The following HDAC3 variants were observed in gnomAD, a reference collection of about 807,000 sequenced individuals.
HDAC3 encodes SMAP45.
A neutral mutation model predicts 62.3 loss-of-function variants in HDAC3; 21 were observed. The ratio of observed to expected loss-of-function variants is 0.34; its 90% CI spans 0.24 to 0.49. The LOEUF (loss-of-function observed/expected upper bound fraction) is 0.49. Ranked by LOEUF, HDAC3 falls within the 20% of genes least tolerant of loss-of-function variation. HDAC3 has a pLI of 0.99. For synonymous variants in HDAC3, 198 were observed against 206.5 expected, an observed-to-expected ratio of 0.96 and a Z score of 0.35; for missense variants, 270 against 556.9, an observed-to-expected ratio of 0.48 and a Z score of 5.19.
At position 141,636,804 on chromosome 5, in the gene HDAC3, G is replaced by A; in HGVS notation, c.-14C>T. The A allele has an allele frequency of 1.9e-6, 3 of 1,587,550 alleles. No individual in the cohort carries two copies. Among genetic ancestry groups the A allele is most frequent in the South Asian group, 1.1e-5 (1 of 87,766 alleles). On this transcript the variant is annotated 5_prime_UTR_variant, in exon 1 of 15. Coordinates refer to ENST00000305264, the MANE Select transcript of HDAC3 (RefSeq NM_003883.4). ...GGTCTTGGCCATGGTGCCGGCGGGA[G>A]CAGGCCCCGCACCTCCGCCGCCCGC...
intron 3 of HDAC3, among the ~76,000 whole-genome samples, chr5:141,632,863 T>C (rs1400168491): frequency 6.6e-6 from 1 of 152,186 alleles, no homozygotes; most frequent in Non-Finnish European, 1.5e-5. Context: ...AAGGTGCCAA[T>C]GCCAGCCTAA....
Position 141,630,115 on chromosome 5 carries a change from G to A in HDAC3, c.292C>T (p.Pro98Ser), listed in dbSNP as rs745497770. Reference sequence around the variant, plus strand: ...CGCGAGCAGAACTCAAAGAGCCCGGGAAACACTGGGCTGCAGGGAAGAGGA... The same window carrying A: ...CGCGAGCAGAACTCAAAGAGCCCGGAAAACACTGGGCTGCAGGGAAGAGGA... ...FNVGDDCPVF[P>S]GLFEFCSRYT... is the part of the protein sequence containing the mutation. Residue 98 changes from proline to serine, a missense_variant, in exon 4 of 15, where the codon CCC (proline) becomes TCC (serine). This residue lies in a region of HDAC3 where 156 missense variants were observed against 383.9 expected (regional missense o/e 0.41). Coordinates refer to ENST00000305264, the MANE Select transcript of HDAC3 (RefSeq NM_003883.4). The A allele has an allele frequency of 5.0e-6, 8 of 1,613,876 alleles. No homozygotes were observed. The highest frequency in any genetic ancestry group is 5.1e-6 in the Non-Finnish European group (6 of 1,180,026).
At chr5:141,635,996 A>G (rs540395172) in intron 2 of HDAC3, 3 of 153,118 alleles carry the variant, frequency 2.0e-5, no homozygotes, top group East Asian at 3.8e-4. Flanking sequence ...AAAACTGGAT[A>G]GCGATTAAGC....
chr5:141,628,278 C>A lies in HDAC3; in HGVS notation c.692-91G>T. On this transcript the variant is annotated intron_variant, in intron 8 of 14. Coordinates refer to ENST00000305264, the MANE Select transcript of HDAC3 (RefSeq NM_003883.4). This position sits in a 1 kb window ranked among gnomAD's most constrained non-coding sequence, Gnocchi z 4.7. Reference sequence around the variant, plus strand: ...AAAAGGGGGTTGAGCGAGCATGTAGCCCAGGAAAGGGGCCACCCAAAAGAA... The same window carrying A: ...AAAAGGGGGTTGAGCGAGCATGTAGACCAGGAAAGGGGCCACCCAAAAGAA... 1 of 1,121,554 alleles carries A rather than the reference C, an allele frequency of 8.9e-7. No individual in the cohort carries two copies. The highest frequency in any genetic ancestry group is 1.9e-5 in the Admixed American group (1 of 53,368). The allele number at this position is 1,121,554 out of a possible 1,614,324, so 69.5% of individuals were successfully genotyped here.
rs1424342761 is a variant in HDAC3 at position 141,636,618 on chromosome 5, G to A, written c.68C>T (p.Pro23Leu). ...CAATGCCAGGCGATGGGGCTTCATA[G>A]GGTGTCCAGCTCCTGGGGGTGGGGA... ...VGNFHYGAGH[P>L]MKPHRLALTH... The change falls in exon 2 of 15, where the codon CCT becomes CTT. Residue 23 changes from proline to leucine, a missense_variant. By Grantham distance (98) the Pro-to-Leu change is moderately conservative. Transcript: ENST00000305264. 6.2e-7 allele frequency: 1 copy of A among 1,613,900 alleles called. No homozygotes were observed. Among genetic ancestry groups the A allele is most frequent in the Non-Finnish European group, 8.5e-7 (1 of 1,179,974 alleles).
At chr5:141,623,217 G>A (rs1353635515) in intron 14 of HDAC3, among the ~76,000 whole-genome samples, 1 of 152,128 alleles carries the variant, frequency 6.6e-6, no homozygotes, top group East Asian at 1.9e-4. Context: ...GTTGTCTGAT[G>A]GCAACAGAAT....
At position 141,625,254 on chromosome 5, in the gene HDAC3, C is replaced by T; in HGVS notation, c.1171G>A (p.Asp391Asn). The T allele has an allele frequency of 6.2e-7, 1 of 1,614,138 alleles. No homozygotes were observed. Among genetic ancestry groups the T allele is most frequent in the Non-Finnish European group, 8.5e-7 (1 of 1,180,032 alleles). ...CCCCTCTCCTCTGCATCAGCCTCAT[C>T]AGTCCTGTCATAGGTCAGGAGGTCT... is the stretch of plus-strand genomic sequence containing the variant. Reference protein sequence around the residue: ...PADLLTYDRTDEADAEERGPE... With the variant: ...PADLLTYDRTNEADAEERGPE... The change falls in exon 14 of 15, where the codon GAT (aspartate) becomes AAT (asparagine). Residue 391 changes from aspartate to asparagine, a missense_variant. By Grantham distance (23) the Asp-to-Asn change is conservative. Transcript: ENST00000305264. This position sits in a 1 kb window ranked among gnomAD's most constrained non-coding sequence, Gnocchi z 4.0.
Position 141,629,524 on chromosome 5 carries a change from G to C in HDAC3, c.476+160C>G. 1 of 896,038 alleles carries C rather than the reference G, an allele frequency of 1.1e-6. No individual in the cohort carries two copies. Among genetic ancestry groups the C allele is most frequent in the South Asian group, 1.5e-5 (1 of 65,598 alleles). The allele number at this position is 896,038 out of a possible 1,614,324, so 55.5% of individuals were successfully genotyped here. A position where few individuals can be genotyped will look rare whatever the true frequency, so the allele number is the denominator to read the frequency against. ...GAGAAGGCTGAAATGTGAGCAGGCA[G>C]TAGGGAATCTGCAGCAGTGGAAGAG... On this transcript the variant is annotated intron_variant, in intron 6 of 14. Coordinates refer to ENST00000305264, the MANE Select transcript of HDAC3 (RefSeq NM_003883.4). This position sits in a 1 kb window ranked among gnomAD's most constrained non-coding sequence, Gnocchi z 5.3.
intron 3 of HDAC3, among the ~76,000 whole-genome samples, chr5:141,634,344 GAGTCATACTC>G (rs1389886214): frequency 6.6e-6 from 1 of 151,908 alleles, no homozygotes; most frequent in Non-Finnish European, 1.5e-5. Flanking sequence ...TTCCTCAAAT[GAGTCATACTC>G]AGTCCTACCA....
At chr5:141,621,929 A>C (rs2154597682) in intron 14 of HDAC3, among the ~76,000 whole-genome samples, 1 of 152,364 alleles carries the variant, frequency 6.6e-6, no homozygotes, top group Non-Finnish European at 1.5e-5. Flanking sequence ...CTATTGGGAC[A>C]TAAGACCTAA....
Position 141,629,519 on chromosome 5 carries a change from A to C in HDAC3, c.476+165T>G, listed in dbSNP as rs1025473729. ...ATGCAGAGAAGGCTGAAATGTGAGC[A>C]GGCAGTAGGGAATCTGCAGCAGTGG... On this transcript the variant is annotated intron_variant, in intron 6 of 14. Coordinates refer to ENST00000305264, the MANE Select transcript of HDAC3 (RefSeq NM_003883.4). This position sits in a 1 kb window ranked among gnomAD's most constrained non-coding sequence, Gnocchi z 5.3. 2.3e-6 allele frequency: 2 copies of C among 888,544 alleles called. No individual in the cohort carries two copies. The highest frequency in any genetic ancestry group is 3.5e-6 in the Non-Finnish European group (2 of 565,626). 55.0% of individuals were successfully genotyped at this position (888,544 alleles called of 1,614,324 possible).
Position 141,625,288 on chromosome 5 carries a change from G to A in HDAC3, c.1137C>T (p.Asp379=), listed in dbSNP as rs747001778. ...CATAGGTCAGGAGGTCTGCAGGCAC[G>A]TCATGAATCTGGACACTAGGTGCAT... ...LNHAPSVQIH[D]VPADLLTYDR... The change falls in exon 14 of 15, where the codon GAC becomes GAT. Residue 379 remains aspartate (D), a synonymous_variant. Coordinates refer to ENST00000305264, the MANE Select transcript of HDAC3 (RefSeq NM_003883.4). This position sits in a 1 kb window ranked among gnomAD's most constrained non-coding sequence, Gnocchi z 4.0. The A allele has an allele frequency of 1.1e-5, 18 of 1,613,944 alleles. No homozygotes were observed. The African/African-American group carries it at 1.7e-4, about 16-fold the overall frequency.
At chr5:141,627,051 C>A (rs1014225419) in intron 10 of HDAC3, among the ~76,000 whole-genome samples, 28 of 152,126 alleles carry the variant, frequency 1.8e-4, no homozygotes, top group African/African-American at 6.8e-4. Context: ...ATAATTCAAA[C>A]TCCTTACCAG....
chr5:141,631,132 A>C (rs750108663), intron 3 of HDAC3, among the ~76,000 whole-genome samples: 1 of 152,202 alleles, frequency 6.6e-6, no homozygotes, highest in Non-Finnish European at 1.5e-5. Flanking sequence ...TCTCAAAAAA[A>C]AAAAATAGTG....
In HDAC3 at chr5:141,629,108, A is replaced by G; in HGVS notation, c.610+65T>C. ...CACCTGAGATGAGACTAGAAGGCTG[A>G]GAAGGAGGCACTCATAGTAAAGAGC... On this transcript the variant is annotated intron_variant, in intron 7 of 14. Transcript: ENST00000305264. The surrounding 1 kb of genome is among the most constrained non-coding windows in gnomAD (Gnocchi z 5.3). 6.4e-7 allele frequency: 1 copy of G among 1,553,212 alleles called. No individual in the cohort carries two copies. The highest frequency in any genetic ancestry group is 8.8e-7 in the Non-Finnish European group (1 of 1,134,426).
In HDAC3 at chr5:141,625,585, ACTTC is replaced by A; in HGVS notation, c.1059+96_1059+99del. 1 of 1,270,114 alleles carries A rather than the reference ACTTC, an allele frequency of 7.9e-7. No homozygotes were observed. Among genetic ancestry groups the A allele is most frequent in the Non-Finnish European group, 1.1e-6 (1 of 873,630 alleles). 78.7% of individuals were successfully genotyped at this position (1,270,114 alleles called of 1,614,324 possible). On this transcript the variant is annotated intron_variant, in intron 13 of 14. Coordinates refer to ENST00000305264, the MANE Select transcript of HDAC3 (RefSeq NM_003883.4). The surrounding 1 kb of genome is among the most constrained non-coding windows in gnomAD (Gnocchi z 4.0). Reference sequence around the variant, plus strand: ...ATAACAGTGACTGTGATGGCTTAGAACTTCCTTCTCTTTGGTTTTTCCTACTTCC... The same window carrying A: ...ATAACAGTGACTGTGATGGCTTAGAACTTCTCTTTGGTTTTTCCTACTTCC...
chr5:141,635,952 C>A (rs114813812), intron 2 of HDAC3: 4,335 of 152,588 alleles, frequency 0.028, 71 homozygotes, highest in African/African-American at 0.056. Flanking sequence ...AAATTCCAAG[C>A]TGGGAAGACA....
chr5:141,634,728 G>A (rs2099905728), intron 3 of HDAC3, 83 bp downstream of exon 3: 5 of 1,365,244 alleles, frequency 3.7e-6, no homozygotes, highest in African/African-American at 1.5e-5. Context: ...CCCCCCTTGA[G>A]ATCTTCCCAC....
chr5:141,631,307 T>C (rs1262236186), intron 3 of HDAC3, among the ~76,000 whole-genome samples: 1 of 152,154 alleles, frequency 6.6e-6, no homozygotes, highest in African/African-American at 2.4e-5. Flanking sequence ...TGTAGGGTTT[T>C]ATAGTTTCTC....
Sources: allele counts gnomAD v4.1 joint callset (sites outside exome capture counted in the v4.1 genomes callset), GRCh38; gene constraint gnomAD v4.1.1; regional missense constraint gnomAD v4.1.1; non-coding constraint Gnocchi (gnomAD v3.1); transcripts MANE v1.5; gene names NCBI Gene and HGNC (gene_info 2026-07-23, HGNC 2026-07-21).